RELL1: variants seen among roughly 807,000 people sequenced by gnomAD.
RELL1 encodes RELT-like protein 1.
RELL1 carries 10 observed loss-of-function variants against 23.0 expected under a neutral mutation model. The ratio of observed to expected loss-of-function variants is 0.43; its 90% CI spans 0.27 to 0.74. The LOEUF is 0.74. Ranked by LOEUF, RELL1 falls within the 30% of genes least tolerant of loss-of-function variation. The pLI, the probability that RELL1 is intolerant of heterozygous loss-of-function variation, is 0.19. For missense variants in RELL1, 315 were observed against 364.4 expected (o/e 0.86, Z 1.10); for synonymous variants, 146 against 146.8 (o/e 0.99, Z 0.04).
intron 1 of RELL1, among the ~76,000 whole-genome samples, chr4:37,669,554 G>C (rs548051880): frequency 2.4e-4 from 36 of 152,228 alleles, no homozygotes; most frequent in African/African-American, 8.2e-4. Flanking sequence ...CATTGAGAAC[G>C]GGCCATGATG....
chr4:37,677,169 G>A (rs1243269977), intron 1 of RELL1, among the ~76,000 whole-genome samples: 1 of 152,144 alleles, frequency 6.6e-6, no homozygotes, highest in African/African-American at 2.4e-5. Flanking sequence ...TACATCCAAG[G>A]AGCTGAGAAA....
chr4:37,655,668 G>A (rs919522252), intron 1 of RELL1, among the ~76,000 whole-genome samples: 8 of 152,146 alleles, frequency 5.3e-5, no homozygotes, highest in African/African-American at 1.2e-4. Flanking sequence ...TCTAGCAAAC[G>A]AATTCACTTG....
chr4:37,589,407 A>C, downstream of RELL1, among the ~76,000 whole-genome samples: 1 of 152,210 alleles, frequency 6.6e-6, no homozygotes, highest in South Asian at 2.1e-4. Context: ...GCTTTATTCA[A>C]AAACTATGTA....
intron 6 of RELL1, among the ~76,000 whole-genome samples, chr4:37,619,159 G>T (rs1005094141): frequency 6.6e-6 from 1 of 151,470 alleles, no homozygotes; most frequent in African/African-American, 2.4e-5. Flanking sequence ...GATCACAGGC[G>T]TGAGCCACTG....
intron 1 of RELL1, among the ~76,000 whole-genome samples, chr4:37,670,975 A>G (rs1387138163): frequency 6.6e-6 from 1 of 152,222 alleles, no homozygotes; most frequent in African/African-American, 2.4e-5. Context: ...TCATATTATG[A>G]GTTGGTTTTT....
At chr4:37,638,541 A>G in intron 3 of RELL1, 37 bp from the exon 4 acceptor site, 1 of 1,462,042 alleles carries the variant, frequency 6.8e-7, no homozygotes, top group East Asian at 2.4e-5. Flanking sequence ...ATTAAAATAG[A>G]ATGAATAAGA....
At chr4:37,669,954 T>C (rs1388078069) in intron 1 of RELL1, among the ~76,000 whole-genome samples, 1 of 151,442 alleles carries the variant, frequency 6.6e-6, no homozygotes, top group African/African-American at 2.4e-5. Context: ...GTTCACTTGT[T>C]TATCTGCTGA....
intron 6 of RELL1, among the ~76,000 whole-genome samples, chr4:37,615,873 A>G (rs1719557881): frequency 6.6e-6 from 1 of 152,208 alleles, no homozygotes. Flanking sequence ...TTATAAAGAT[A>G]AAGCCATAAT....
rs978165271 is a variant in RELL1 at position 37,612,636 on chromosome 4, C to CAAAAAAAAAAAAAA, written c.*696_*709dup. Among the ~76,000 whole-genome samples the CAAAAAAAAAAAAAA allele has an allele frequency of 3.0e-4, 18 of 60,172 alleles. No individual in the cohort carries two copies. Among genetic ancestry groups the CAAAAAAAAAAAAAA allele is most frequent in the African/African-American group, 1.0e-3 (18 of 18,010 alleles). 39.5% of individuals were successfully genotyped at this position (60,172 alleles called of 152,430 possible). A position where few individuals can be genotyped will look rare whatever the true frequency, so the allele number is the denominator to read the frequency against. ...TAGGGGACACAGCGAGACTCTGCCT[C>CAAAAAAAAAAAAAA]AAAAAAAAAAAAAAAAAAACCTTCT... On this transcript the variant is annotated 3_prime_UTR_variant, in exon 7 of 7. Coordinates refer to ENST00000454158, the MANE Select transcript of RELL1 (RefSeq NM_001085400.2).
intron 1 of RELL1, among the ~76,000 whole-genome samples, chr4:37,683,537 A>T (rs903768087): frequency 6.6e-6 from 1 of 151,854 alleles, no homozygotes; most frequent in African/African-American, 2.4e-5. Flanking sequence ...AGGGCGGATC[A>T]CTTGAGGTCA....
chr4:37,637,035 C>A (rs1375117364), intron 4 of RELL1, among the ~76,000 whole-genome samples: 3 of 152,196 alleles, frequency 2.0e-5, no homozygotes, highest in Non-Finnish European at 4.4e-5. Flanking sequence ...TATTAGAAAG[C>A]TGAATGCAAG....
intron 6 of RELL1, among the ~76,000 whole-genome samples, chr4:37,629,216 G>C (rs1254779309): frequency 2.0e-5 from 3 of 152,146 alleles, no homozygotes; most frequent in Non-Finnish European, 2.9e-5. Context: ...TACTTTCTTT[G>C]CAGCTAAGCT....
At chr4:37,674,474 T>G (rs569977292) in intron 1 of RELL1, among the ~76,000 whole-genome samples, 14 of 152,358 alleles carry the variant, frequency 9.2e-5, no homozygotes, top group Non-Finnish European at 1.6e-4. Flanking sequence ...TTTTGGTGGT[T>G]GTTCTGTGTT....
At chr4:37,679,174 A>T (rs565278261) in intron 1 of RELL1, among the ~76,000 whole-genome samples, 1 of 151,660 alleles carries the variant, frequency 6.6e-6, no homozygotes, top group Admixed American at 6.8e-5. Context: ...TCTTACAAAG[A>T]GAACTGTGTT....
At chr4:37,609,276 A>T (rs1241643817), downstream of RELL1, among the ~76,000 whole-genome samples, 1 of 152,240 alleles carries the variant, frequency 6.6e-6, no homozygotes, top group Non-Finnish European at 1.5e-5. Flanking sequence ...AGCCTAGATA[A>T]CAGCACATCT....
intron 1 of RELL1, among the ~76,000 whole-genome samples, chr4:37,677,229 TGCCA>T (rs1722049712): frequency 6.6e-6 from 1 of 152,250 alleles, no homozygotes; most frequent in Non-Finnish European, 1.5e-5. Flanking sequence ...CAAGGAAACC[TGCCA>T]TAGGCAGCAA....
At chr4:37,650,229 G>A (rs76637124) in intron 1 of RELL1, among the ~76,000 whole-genome samples, 5,330 of 152,238 alleles carry the variant, frequency 0.035, 191 homozygotes, top group African/African-American at 0.094. Context: ...CATTCTAGGA[G>A]GATTTAGTAA....
intron 4 of RELL1, among the ~76,000 whole-genome samples, chr4:37,635,796 C>T (rs914069883): frequency 5.3e-5 from 8 of 152,218 alleles, no homozygotes; most frequent in African/African-American, 1.9e-4. Context: ...GAGTGTCTGC[C>T]TATCACTCTA....
At chr4:37,623,637 G>A (rs1369536952) in intron 6 of RELL1, 1 of 152,240 alleles carries the variant, frequency 6.6e-6, no homozygotes, top group Non-Finnish European at 1.5e-5. Context: ...GCAGGGCCTG[G>A]GCAGATGCTC....
Sources: gnomAD v4.1 joint callset for allele counts (sites outside exome capture counted in the v4.1 genomes callset) on GRCh38, gnomAD v4.1.1 for gene constraint, MANE v1.5 for transcripts, NCBI Gene and HGNC (gene_info 2026-07-23, HGNC 2026-07-21) for gene names.